The following DNAAF9 variants were observed in gnomAD, a reference collection of about 807,000 sequenced individuals.
DNAAF9 encodes shulin.
DNAAF9 carries 90 observed loss-of-function variants against 167.0 expected under a neutral mutation model. That is an observed-to-expected ratio of 0.54 (90% confidence interval 0.45 to 0.64). The LOEUF (loss-of-function observed/expected upper bound fraction) is 0.64. DNAAF9 is among the 30% of genes least tolerant of loss of function. The pLI is 0.00. For missense variants in DNAAF9, 1,315 were observed against 1,442.2 expected (o/e 0.91, Z 1.43); for synonymous variants, 491 against 508.8 (o/e 0.96, Z 0.47).
chr20:3,270,380 TG>T, intron 30 of DNAAF9, 46 bp downstream of exon 30: 1 of 1,554,674 alleles, frequency 6.4e-7, no homozygotes, highest in Non-Finnish European at 8.9e-7. Flanking sequence ...GACAGAGTGC[TG>T]TATCTGAGAA....
rs540791526 is a variant in DNAAF9 at position 3,339,791 on chromosome 20, G to A, written c.981+713C>T. On this transcript the variant is annotated intron_variant, in intron 10 of 36. Coordinates refer to ENST00000252032, the MANE Select transcript of DNAAF9 (RefSeq NM_001009984.3). ...TGTGGTCCCAACTATTCAGGAGGCT[G>A]AGGTGGGAGGATCACCTGAGCCTGG... Among the ~76,000 whole-genome samples the A allele has an allele frequency of 2.4e-3, 373 of 152,312 alleles. 2 individuals are homozygous for A. The highest frequency in any genetic ancestry group is 8.5e-3 in the African/African-American group (355 of 41,562).
chr20:3,294,332 T>A, intron 24 of DNAAF9, 76 bp from the exon 25 acceptor site: 1 of 1,000,888 alleles, frequency 1.0e-6, no homozygotes, highest in South Asian at 1.4e-5. Flanking sequence ...TGAAAAAGTT[T>A]TTACTTAATT....
intron 1 of DNAAF9, among the ~76,000 whole-genome samples, chr20:3,404,489 C>A (rs1281776013): frequency 1.3e-5 from 2 of 152,226 alleles, no homozygotes; most frequent in Non-Finnish European, 2.9e-5. Flanking sequence ...GTTCTTAATA[C>A]TAATAAATGG....
chr20:3,271,109 G>C (rs2068585345), intron 29 of DNAAF9, among the ~76,000 whole-genome samples: 1 of 151,862 alleles, frequency 6.6e-6, no homozygotes, highest in South Asian at 2.1e-4. Flanking sequence ...CATTGCACCC[G>C]GCCTCCTCTA....
intron 7 of DNAAF9, among the ~76,000 whole-genome samples, chr20:3,350,189 A>G (rs2070293172): frequency 6.7e-6 from 1 of 150,194 alleles, no homozygotes; most frequent in Admixed American, 6.6e-5. Flanking sequence ...ACACACACAC[A>G]CAAATTCTGG....
At chr20:3,264,630 T>C (rs6051694) in intron 30 of DNAAF9, 106 bp from the exon 31 acceptor site, 384,989 of 683,674 alleles carry the variant, frequency 0.56, 109,086 homozygotes, top group Admixed American at 0.6. Flanking sequence ...AGTGCAGTGG[T>C]GCAATCTTGG....
intron 6 of DNAAF9, chr20:3,361,950 C>G: frequency 6.5e-7 from 1 of 1,533,538 alleles, no homozygotes; most frequent in Admixed American, 1.7e-5. Flanking sequence ...CATTAGGCGC[C>G]GAAACTCTTG....
intron 9 of DNAAF9, among the ~76,000 whole-genome samples, chr20:3,341,690 C>G (rs2070088564): frequency 6.6e-6 from 1 of 152,308 alleles, no homozygotes; most frequent in East Asian, 1.9e-4. Flanking sequence ...TGATTTCTTC[C>G]CTGGACAACT....
chr20:3,341,359 G>C (rs1298557636), intron 9 of DNAAF9, among the ~76,000 whole-genome samples: 2 of 152,048 alleles, frequency 1.3e-5, no homozygotes, highest in Non-Finnish European at 2.9e-5. Context: ...TCCACTGCAA[G>C]AACTGCAGTG....
intron 29 of DNAAF9, among the ~76,000 whole-genome samples, chr20:3,277,050 A>G (rs1600691962): frequency 6.6e-6 from 1 of 152,200 alleles, no homozygotes; most frequent in Admixed American, 6.5e-5. Context: ...CTGATCATTA[A>G]GAAATGACAA....
chr20:3,289,444 C>T (rs1037034891), intron 26 of DNAAF9, among the ~76,000 whole-genome samples: 10 of 151,978 alleles, frequency 6.6e-5, no homozygotes, highest in South Asian at 2.1e-4. Context: ...GACCCCATCT[C>T]TAAAAACAAA....
intron 7 of DNAAF9, among the ~76,000 whole-genome samples, chr20:3,358,015 T>A (rs557846490): frequency 9.1e-4 from 139 of 151,954 alleles, no homozygotes; most frequent in African/African-American, 3.1e-3. Context: ...TCTAAAAATA[T>A]ATATATTTTT....
chr20:3,271,495 A>T (rs1420218475), intron 29 of DNAAF9, among the ~76,000 whole-genome samples: 1 of 152,148 alleles, frequency 6.6e-6, no homozygotes, highest in African/African-American at 2.4e-5. Flanking sequence ...AACTTACCAC[A>T]CTTCACCACC....
intron 15 of DNAAF9, 74 bp downstream of exon 15, chr20:3,322,578 T>C (rs190603904): frequency 9.0e-5 from 105 of 1,166,774 alleles, no homozygotes; most frequent in Non-Finnish European, 1.3e-4. Flanking sequence ...AAACCACTCA[T>C]GTCAGCAGCC....
At chr20:3,350,156 G>C (rs6051774) in intron 7 of DNAAF9, among the ~76,000 whole-genome samples, 38,894 of 88,268 alleles carry the variant, frequency 0.44, 6,283 homozygotes, top group African/African-American at 0.52. Flanking sequence ...CAGACACACA[G>C]ACACACACAC....
chr20:3,301,945 T>C (rs939026814), intron 21 of DNAAF9, among the ~76,000 whole-genome samples: 12 of 151,852 alleles, frequency 7.9e-5, no homozygotes, highest in African/African-American at 2.9e-4. Flanking sequence ...ATTATATATA[T>C]ATATGTATAT....
At chr20:3,321,893 A>C (rs547476671) in intron 16 of DNAAF9, among the ~76,000 whole-genome samples, 2 of 152,358 alleles carry the variant, frequency 1.3e-5, no homozygotes, top group East Asian at 3.9e-4. Flanking sequence ...TCCTGGATTC[A>C]CATTTCGACA....
At chr20:3,313,864 CA>C (rs2069456084) in intron 20 of DNAAF9, among the ~76,000 whole-genome samples, 1 of 152,122 alleles carries the variant, frequency 6.6e-6, no homozygotes, top group African/African-American at 2.4e-5. Flanking sequence ...GAGCCCAGAG[CA>C]AACCAAGAGC....
chr20:3,397,397 C>A (rs1417100089), intron 1 of DNAAF9, among the ~76,000 whole-genome samples: 2 of 152,162 alleles, frequency 1.3e-5, no homozygotes, highest in African/African-American at 4.8e-5. Flanking sequence ...TGGCTCACTG[C>A]AGGCTCCGCC....
Sources: gnomAD v4.1 joint callset for allele counts (sites outside exome capture counted in the v4.1 genomes callset) on GRCh38, gnomAD v4.1.1 for gene constraint, MANE v1.5 for transcripts, NCBI Gene and HGNC (gene_info 2026-07-23, HGNC 2026-07-21) for gene names.